The following FPR2 variants were observed in gnomAD, a reference collection of about 807,000 sequenced individuals.
FPR2 encodes formyl peptide receptor 2.
FPR2 carries 3 observed loss-of-function variants against 4.0 expected under a neutral mutation model. The observed-to-expected ratio is 0.74, with a 90% CI of 0.34 to 1.92. The LOEUF (loss-of-function observed/expected upper bound fraction) is 1.92. FPR2 is among the 30% of genes most tolerant of loss of function. The pLI is 0.07. For missense variants in FPR2, 372 were observed against 435.7 expected (o/e 0.85, Z 1.30); for synonymous variants, 179 against 171.5 (o/e 1.04, Z -0.34).
At chr19:51,766,171 T>A (rs948234264) in intron 1 of FPR2, among the ~76,000 whole-genome samples, 3 of 151,570 alleles carry the variant, frequency 2.0e-5, no homozygotes, top group Non-Finnish European at 4.4e-5. Context: ...TCCACCCCCC[T>A]TGGCCTCCCA....
At chr19:51,767,265 C>G (rs1223524593) in intron 1 of FPR2, among the ~76,000 whole-genome samples, 4 of 151,934 alleles carry the variant, frequency 2.6e-5, no homozygotes, top group Non-Finnish European at 4.4e-5. Context: ...GTCCACAGAC[C>G]ACGGCATAAG....
intron 1 of FPR2, among the ~76,000 whole-genome samples, chr19:51,766,196 C>T (rs2083867601): frequency 6.6e-6 from 1 of 152,238 alleles, no homozygotes; most frequent in Non-Finnish European, 1.5e-5. Context: ...GTTGGGATTA[C>T]AGGCGTGAGC....
At chr19:51,764,558 C>A (rs1005181963) in intron 1 of FPR2, among the ~76,000 whole-genome samples, 1 of 152,128 alleles carries the variant, frequency 6.6e-6, no homozygotes, top group Non-Finnish European at 1.5e-5. Context: ...AAGTCACTTC[C>A]GCTCTCTGAG....
At position 51,761,725 on chromosome 19, in the gene FPR2, C is replaced by T. The variant is rs374263684; in HGVS notation, c.-15+495C>T. On this transcript the variant is annotated intron_variant, in intron 1 of 1. Coordinates refer to ENST00000340023, the MANE Select transcript of FPR2 (RefSeq NM_001005738.2). ...GGAGAATCGCTTGAACCTAGGAGGC[C>T]GAGGTTGCAGTGAGCCGATATCGTG... Among the ~76,000 whole-genome samples, 37 of 152,050 alleles carry T rather than the reference C, an allele frequency of 2.4e-4. No individual in the cohort carries two copies. The South Asian group carries it at 5.8e-3, about 24-fold the overall frequency.
intron 1 of FPR2, among the ~76,000 whole-genome samples, chr19:51,766,490 C>T (rs2122360145): frequency 6.6e-6 from 1 of 152,266 alleles, no homozygotes; most frequent in East Asian, 1.9e-4. Flanking sequence ...TGGAATACCT[C>T]AGTGAAACTC....
intron 1 of FPR2, among the ~76,000 whole-genome samples, chr19:51,761,743 A>G (rs1263939697): frequency 6.6e-6 from 1 of 152,162 alleles, no homozygotes; most frequent in African/African-American, 2.4e-5. Context: ...CAGTGAGCCG[A>G]TATCGTGCCA....
intron 1 of FPR2, among the ~76,000 whole-genome samples, chr19:51,764,349 TATA>T (rs2083857655): frequency 6.6e-6 from 1 of 152,172 alleles, no homozygotes; most frequent in South Asian, 2.1e-4. Context: ...ATTTTCTCAT[TATA>T]ATGTCAGTCA....
At chr19:51,766,743 C>G (rs1203104780) in intron 1 of FPR2, among the ~76,000 whole-genome samples, 1 of 152,096 alleles carries the variant, frequency 6.6e-6, no homozygotes, top group Non-Finnish European at 1.5e-5. Context: ...TGAATTCCCC[C>G]AGATGTGATG....
intron 1 of FPR2, among the ~76,000 whole-genome samples, chr19:51,766,606 T>TCAAAGGCAGGACTTCCGTATG (rs1316636117): frequency 8.5e-5 from 13 of 152,302 alleles, no homozygotes; most frequent in African/African-American, 3.1e-4. Flanking sequence ...GGAATCCCTT[T>TCAAAGGCAGGACTTCCGTATG]CAAAGGCAGG....
At chr19:51,763,896 T>C (rs984688561) in intron 1 of FPR2, among the ~76,000 whole-genome samples, 1 of 152,136 alleles carries the variant, frequency 6.6e-6, no homozygotes, top group Admixed American at 6.5e-5. Flanking sequence ...GTAGCTGGGA[T>C]TGCAAGCGCG....
intron 1 of FPR2, among the ~76,000 whole-genome samples, chr19:51,765,811 T>TCCTCGTTAA (rs1164590218): frequency 6.6e-6 from 1 of 152,196 alleles, no homozygotes. Flanking sequence ...CATAAAATTG[T>TCCTCGTTAA]CCTCGTTCTG....
chr19:51,769,874 ACAGT>A lies in FPR2; in HGVS notation c.*164_*167del, dbSNP rs1568646488. 2 of 652,792 alleles carry A rather than the reference ACAGT, an allele frequency of 3.1e-6. No homozygotes were observed. Among genetic ancestry groups the A allele is most frequent in the Non-Finnish European group, 5.4e-6 (2 of 372,952 alleles). The allele number at this position is 652,792 out of a possible 1,614,324, so 40.4% of individuals were successfully genotyped here. A position where few individuals can be genotyped will look rare whatever the true frequency, so the allele number is the denominator to read the frequency against. On this transcript the variant is annotated 3_prime_UTR_variant, in exon 2 of 2. Transcript: ENST00000340023. The surrounding 1 kb of genome is among the most constrained non-coding windows in gnomAD (Gnocchi z 4.4). ...TCCCTGATTTGGGGCTAAGAAATAG[ACAGT>A]CAGGCTACTAAAATATTAGTGTTAT...
In FPR2 at chr19:51,767,631, G is replaced by A. The variant is rs577082792; in HGVS notation, c.-14-1014G>A. Among the ~76,000 whole-genome samples, 20 of 152,188 alleles carry A rather than the reference G, an allele frequency of 1.3e-4. 1 individual carries two copies. In the East Asian group the frequency reaches 2.9e-3, roughly 22 times the overall value. On this transcript the variant is annotated intron_variant, in intron 1 of 1. Transcript: ENST00000340023. ...TTCAAGCAGAGAAGAATGGGGAACC[G>A]TTGCTGGGTGGGCAACCAGCAATAT...
At chr19:51,765,371 T>C (rs1309631437) in intron 1 of FPR2, among the ~76,000 whole-genome samples, 1 of 152,228 alleles carries the variant, frequency 6.6e-6, no homozygotes, top group East Asian at 1.9e-4. Context: ...TCCTCATCTG[T>C]ACAATGGTTA....
chr19:51,766,168 C>A (rs916870218), intron 1 of FPR2, among the ~76,000 whole-genome samples: 1 of 152,152 alleles, frequency 6.6e-6, no homozygotes, highest in Non-Finnish European at 1.5e-5. Context: ...CAATCCACCC[C>A]CCTTGGCCTC....
chr19:51,763,897 T>G (rs2083854033), intron 1 of FPR2, among the ~76,000 whole-genome samples: 2 of 152,142 alleles, frequency 1.3e-5, no homozygotes, highest in Non-Finnish European at 2.9e-5. Context: ...TAGCTGGGAT[T>G]GCAAGCGCGT....
rs144552448 is a variant in FPR2 at position 51,768,882 on chromosome 19, C to T, written c.224C>T (p.Thr75Met). The change falls in exon 2 of 2, where the codon ACG becomes ATG. Residue 75 changes from threonine (T) to methionine (M), a missense_variant. Physicochemically the swap from Thr to Met is moderately conservative, Grantham distance 81. Transcript: ENST00000340023. ...CTGGCCCTGGCTGACTTTTCTTTCACGGCCACATTACCATTCCTCATTGTC... is the reference window on the plus strand; with the variant it reads ...CTGGCCCTGGCTGACTTTTCTTTCATGGCCACATTACCATTCCTCATTGTC... ...LNLALADFSF[T>M]ATLPFLIVSM... The T allele has an allele frequency of 9.9e-6, 16 of 1,614,076 alleles. No homozygotes were observed. Among genetic ancestry groups the T allele is most frequent in the African/African-American group, 6.7e-5 (5 of 74,928 alleles).
At chr19:51,768,431 T>C in intron 1 of FPR2, 2 of 528,656 alleles carry the variant, frequency 3.8e-6, no homozygotes, top group Non-Finnish European at 6.7e-6. Flanking sequence ...GCGAAATGCA[T>C]ATTGATAATG....
chr19:51,766,649 T>C (rs571705222), intron 1 of FPR2, among the ~76,000 whole-genome samples: 2 of 152,236 alleles, frequency 1.3e-5, no homozygotes, highest in Admixed American at 1.3e-4. Context: ...GCTCTGGAGT[T>C]GTTCATCTCG....
Sources: allele counts gnomAD v4.1 joint callset (sites outside exome capture counted in the v4.1 genomes callset), GRCh38; gene constraint gnomAD v4.1.1; non-coding constraint Gnocchi (gnomAD v3.1); transcripts MANE v1.5; gene names NCBI Gene and HGNC (gene_info 2026-07-23, HGNC 2026-07-21).